Variants in DNAH14 observed in about 807,000 individuals in gnomAD.
DNAH14 encodes the protein axonemal beta dynein heavy chain 14.
Under a neutral mutation model 520.9 loss-of-function variants are expected in DNAH14, and 478 were observed. The ratio of observed to expected loss-of-function variants is 0.92; its 90% CI spans 0.85 to 0.99. DNAH14 has a LOEUF of 0.99. Ranked by LOEUF, DNAH14 falls within the 50% of genes least tolerant of loss-of-function variation. The probability of loss-of-function intolerance (pLI) is 0.00; values close to 1 mark genes in which losing one functional copy is unlikely to be tolerated. For synonymous variants in DNAH14, 1,581 were observed against 1,757.2 expected, an observed-to-expected ratio of 0.90 and a Z score of 2.51; for missense variants, 4,831 against 5,234.5, an observed-to-expected ratio of 0.92 and a Z score of 2.38.
chr1:224,979,933 G>C (rs1490146290), intron 8 of DNAH14, among the ~76,000 whole-genome samples: 11 of 152,128 alleles, frequency 7.2e-5, no homozygotes, highest in African/African-American at 2.4e-4. Flanking sequence ...CCCAGTTCTG[G>C]CAAGATTCAT....
chr1:225,331,522 C>A lies in DNAH14; in HGVS notation c.9809C>A (p.Ala3270Asp). 1 of 1,551,406 alleles carries A rather than the reference C, an allele frequency of 6.4e-7. No individual in the cohort carries two copies. The highest frequency in any genetic ancestry group is 8.7e-7 in the Non-Finnish European group (1 of 1,146,830). ...KQLLANRKTM[A>D]SRRFQCASVL... is the part of the protein sequence containing the mutation. ...CTATTAGCAAATCGGAAAACAATGG[C>A]CAGCAGGCGCTTTCAGTGTGCGTCA... is the stretch of plus-strand genomic sequence containing the variant. The change falls in exon 65 of 86, where the codon GCC becomes GAC. Residue 3270 changes from alanine to aspartate, a missense_variant. Ala to Asp is a moderately radical substitution (Grantham distance 126, BLOSUM62 -2). Transcript: ENST00000682510.
At position 225,038,831 on chromosome 1, in the gene DNAH14, G is replaced by A. The variant is rs539899852; in HGVS notation, c.1488+8G>A. The A allele has an allele frequency of 1.4e-6, 2 of 1,468,498 alleles. No homozygotes were observed. Among genetic ancestry groups the A allele is most frequent in the Non-Finnish European group, 1.8e-6 (2 of 1,110,244 alleles). 91.0% of individuals were successfully genotyped at this position (1,468,498 alleles called of 1,614,324 possible). On this transcript the variant is annotated splice_region_variant and intron_variant, in intron 12 of 85. Coordinates refer to ENST00000682510, the MANE Select transcript of DNAH14 (RefSeq NM_001367479.1). The stretch of plus-strand genomic sequence containing the variant: ...GACACTGATATTAATGAGGTAAAAT[G>A]ATCTTTGAAAAATATAAACATAGAT...
chr1:225,236,218 A>G (rs1286660149), intron 42 of DNAH14, among the ~76,000 whole-genome samples: 1 of 152,148 alleles, frequency 6.6e-6, no homozygotes, highest in African/African-American at 2.4e-5. Context: ...AGATTCTGGT[A>G]CATTATCTGT....
chr1:225,140,703 A>T (rs2079366269), intron 27 of DNAH14, 65 bp from the exon 28 acceptor site: 2 of 1,220,466 alleles, frequency 1.6e-6, no homozygotes, highest in East Asian at 5.2e-5. Flanking sequence ...ATTTGAATAA[A>T]ATTTATGCTT....
intron 81 of DNAH14, among the ~76,000 whole-genome samples, chr1:225,385,462 T>C (rs529886614): frequency 1.1e-3 from 166 of 152,284 alleles, no homozygotes; most frequent in African/African-American, 3.8e-3. Flanking sequence ...GATGACATGA[T>C]TGTATATCTA....
At chr1:225,183,438 C>T (rs1265429113) in intron 36 of DNAH14, among the ~76,000 whole-genome samples, 2 of 152,208 alleles carry the variant, frequency 1.3e-5, no homozygotes, top group Non-Finnish European at 2.9e-5. Flanking sequence ...GTTTATAGCA[C>T]TGAATGCCTA....
intron 66 of DNAH14, among the ~76,000 whole-genome samples, chr1:225,337,015 C>T (rs1331776173): frequency 6.6e-6 from 1 of 152,154 alleles, no homozygotes; most frequent in Non-Finnish European, 1.5e-5. Flanking sequence ...TTTGTGTCCC[C>T]TATGGCATCT....
At chr1:225,057,731 A>C (rs2148373996) in intron 17 of DNAH14, among the ~76,000 whole-genome samples, 1 of 152,312 alleles carries the variant, frequency 6.6e-6, no homozygotes, top group Admixed American at 6.5e-5. Flanking sequence ...GAGAGTTCTT[A>C]GCATGAAGGG....
intron 41 of DNAH14, among the ~76,000 whole-genome samples, chr1:225,217,705 C>A (rs1051390968): frequency 1.3e-5 from 2 of 152,160 alleles, no homozygotes; most frequent in Admixed American, 1.3e-4. Context: ...CCGAGCCAGG[C>A]GCTGGATATA....
chr1:225,140,071 C>G (rs967299190), intron 27 of DNAH14, among the ~76,000 whole-genome samples: 2 of 152,170 alleles, frequency 1.3e-5, no homozygotes, highest in African/African-American at 4.8e-5. Flanking sequence ...CTAATTATTC[C>G]CACATTCATA....
chr1:225,122,196 G>A (rs575703841), intron 26 of DNAH14, among the ~76,000 whole-genome samples: 57 of 152,230 alleles, frequency 3.7e-4, no homozygotes, highest in African/African-American at 1.3e-3. Context: ...ATGGACTTGT[G>A]TTCTTTTTGA....
chr1:225,354,781 T>A (rs890021939), intron 73 of DNAH14, among the ~76,000 whole-genome samples: 1 of 152,178 alleles, frequency 6.6e-6, no homozygotes, highest in African/African-American at 2.4e-5. Context: ...AAATCTCTCA[T>A]CTCATTTAAA....
At chr1:225,374,264 A>T (rs1319666050) in intron 77 of DNAH14, among the ~76,000 whole-genome samples, 35 of 66,370 alleles carry the variant, frequency 5.3e-4, no homozygotes, top group East Asian at 1.7e-3. Context: ...ATATATATAT[A>T]TATATATTTT....
chr1:224,958,831 G>C (rs1262545137), intron 3 of DNAH14, among the ~76,000 whole-genome samples: 1 of 152,108 alleles, frequency 6.6e-6, no homozygotes, highest in African/African-American at 2.4e-5. Context: ...GCTCTCCCGT[G>C]AGCCAGAGTT....
intron 8 of DNAH14, among the ~76,000 whole-genome samples, chr1:224,996,990 G>C (rs1251040185): frequency 2.6e-5 from 4 of 152,048 alleles, no homozygotes. Context: ...GGCTGGACTG[G>C]AGGCTGAGCC....
chr1:225,207,047 T>G lies in DNAH14; in HGVS notation c.6266T>G (p.Val2089Gly). ...TCTAAAATTATAAGTCAATCAGGAG[T>G]GGATTGTCTTGAATTCATGATTAAA... The part of the protein sequence containing the change: ...KTSKIISQSG[V>G]DCLEFMIKNS... Residue 2089 changes from valine to glycine, a missense_variant, in exon 41 of 86, where the codon GTG becomes GGG. Coordinates refer to ENST00000682510, the MANE Select transcript of DNAH14 (RefSeq NM_001367479.1). 1.3e-6 allele frequency: 2 copies of G among 1,549,996 alleles called. No individual in the cohort carries two copies. The highest frequency in any genetic ancestry group is 2.4e-5 in the East Asian group (1 of 40,826).
intron 69 of DNAH14, 109 bp downstream of exon 69, chr1:225,340,810 A>G: frequency 7.8e-7 from 1 of 1,276,472 alleles, no homozygotes; most frequent in Non-Finnish European, 1.1e-6. Flanking sequence ...CTCCATTTCC[A>G]CCAGGTAACT....
chr1:225,061,996 A>T (rs2070195579), intron 17 of DNAH14, among the ~76,000 whole-genome samples: 1 of 152,212 alleles, frequency 6.6e-6, no homozygotes, highest in Admixed American at 6.5e-5. Flanking sequence ...AACTAAATAA[A>T]ATAAAGGAAA....
intron 54 of DNAH14, among the ~76,000 whole-genome samples, chr1:225,278,449 T>G (rs988454142): frequency 2.6e-5 from 4 of 152,216 alleles, no homozygotes; most frequent in Admixed American, 6.5e-5. Flanking sequence ...GCCACTGTTA[T>G]CATCACCTGG....
Sources: gnomAD v4.1 joint callset for allele counts (sites outside exome capture counted in the v4.1 genomes callset) on GRCh38, gnomAD v4.1.1 for gene constraint, MANE v1.5 for transcripts, NCBI Gene and HGNC (gene_info 2026-07-23, HGNC 2026-07-21) for gene names.